CLBA1: variants seen among roughly 807,000 people sequenced by gnomAD.
CLBA1 encodes the protein uncharacterized protein CLBA1.
Under a neutral mutation model 28.8 loss-of-function variants are expected in CLBA1, and 30 were observed. The ratio of observed to expected loss-of-function variants is 1.04; its 90% confidence interval spans 0.78 to 1.41. The LOEUF is 1.41. CLBA1 is among the 40% of genes most tolerant of loss of function. The probability of loss-of-function intolerance (pLI) is 0.00; values close to 1 mark genes in which losing one functional copy is unlikely to be tolerated. For missense variants in CLBA1, 451 were observed against 412.3 expected (o/e 1.09, Z -0.81); for synonymous variants, 160 against 152.8 (o/e 1.05, Z -0.35).
At chr14:104,993,304 A>G in intron 4 of CLBA1, 1 of 985,408 alleles carries the variant, frequency 1.0e-6, no homozygotes, top group Non-Finnish European at 1.2e-6. Context: ...GACCCAGGAT[A>G]TGGGTGGGTC....
At chr14:104,999,056 C>A (rs9944006), downstream of CLBA1, among the ~76,000 whole-genome samples, 2,278 of 152,366 alleles carry the variant, frequency 0.015, 53 homozygotes, top group African/African-American at 0.051. Flanking sequence ...CTATCCAGGG[C>A]CCATGGGTGT....
At position 104,986,763 on chromosome 14, in the gene CLBA1, G is replaced by A. The variant is rs764729506; in HGVS notation, c.332G>A (p.Arg111Lys). The A allele has an allele frequency of 1.2e-6, 2 of 1,614,046 alleles. No homozygotes were observed. The highest frequency in any genetic ancestry group is 2.2e-5 in the South Asian group (2 of 91,084). ...GGACCCACAGAACCCCAGCCACCGA[G>A]AACCACTTCTGCCCCAAAAGAGTGC... The part of the protein sequence containing the change: ...LEGPTEPQPP[R>K]TTSAPKECSS... The change falls in exon 1 of 5, where the codon AGA becomes AAA. Residue 111 changes from arginine to lysine, a missense_variant. By Grantham distance (26) the Arg-to-Lys change is conservative. Coordinates refer to ENST00000547315, the MANE Select transcript of CLBA1 (RefSeq NM_174891.4).
chr14:104,987,606 C>CTTTTTTTTTTTTTTTTTTT lies in CLBA1; in HGVS notation c.423+765_423+783dup, dbSNP rs869117577. Among the ~76,000 whole-genome samples, 4 of 60,008 alleles carry CTTTTTTTTTTTTTTTTTTT rather than the reference C, an allele frequency of 6.7e-5. 2 individuals are homozygous for CTTTTTTTTTTTTTTTTTTT. The highest frequency in any genetic ancestry group is 1.2e-4 in the Non-Finnish European group (4 of 34,246). 39.4% of individuals were successfully genotyped at this position (60,008 alleles called of 152,430 possible). Reference sequence around the variant, plus strand: ...GGCTGGCCTGTTTTCTCTTCCTTTTCTTTTTTTTTTTTTTTTTTTTTTTTT... The same window carrying CTTTTTTTTTTTTTTTTTTT: ...GGCTGGCCTGTTTTCTCTTCCTTTTCTTTTTTTTTTTTTTTTTTTTTTTTTTTTTTTTTTTTTTTTTTTT... On this transcript the variant is annotated intron_variant, in intron 1 of 4. Coordinates refer to ENST00000547315, the MANE Select transcript of CLBA1 (RefSeq NM_174891.4).
At chr14:104,988,409 T>C (rs1021079973) in intron 1 of CLBA1, among the ~76,000 whole-genome samples, 2 of 150,844 alleles carry the variant, frequency 1.3e-5, no homozygotes, top group African/African-American at 4.9e-5. Context: ...CTCGGCTCAC[T>C]GCAACTTCTG....
At position 104,995,386 on chromosome 14, in the gene CLBA1, T is replaced by C. The variant is rs1900139088; in HGVS notation, c.*627T>C. On this transcript the variant is annotated 3_prime_UTR_variant, in exon 5 of 5. Transcript: ENST00000547315. ...TGGACAGGAGGTCGCACCACTGGCC[T>C]GCGAGAGCCTCTGGTGGGCCCGTGG... 3 of 985,424 alleles carry C rather than the reference T, an allele frequency of 3.0e-6. No homozygotes were observed. Among genetic ancestry groups the C allele is most frequent in the Non-Finnish European group, 3.6e-6 (3 of 829,944 alleles). 61.0% of individuals were successfully genotyped at this position (985,424 alleles called of 1,614,324 possible).
intron 2 of CLBA1, chr14:104,990,519 A>ACC (rs1899992143): frequency 6.6e-6 from 1 of 152,228 alleles, no homozygotes; most frequent in Admixed American, 6.5e-5. Context: ...GGCTGGTCTC[A>ACC]AACTCCTGAG....
chr14:104,994,158 C>T (rs1900110172), intron 4 of CLBA1: 9 of 985,452 alleles, frequency 9.1e-6, no homozygotes, highest in Non-Finnish European at 1.1e-5. Context: ...AGAGCAGCAG[C>T]TGTAAAGAAA....
At chr14:104,996,795 A>G (rs555940854), downstream of CLBA1, among the ~76,000 whole-genome samples, 33 of 152,236 alleles carry the variant, frequency 2.2e-4, no homozygotes, top group Non-Finnish European at 4.8e-4. Flanking sequence ...CACCGAAGCC[A>G]TGCCCTGATG....
At chr14:104,989,197 C>CA in intron 2 of CLBA1, 109 bp downstream of exon 2, 17 of 1,114,290 alleles carry the variant, frequency 1.5e-5, no homozygotes, top group Non-Finnish European at 1.8e-5. Context: ...AGCATCTCTC[C>CA]TGAGGTCCCT....
chr14:104,987,789 T>TA (rs1899909057), intron 1 of CLBA1, among the ~76,000 whole-genome samples: 1 of 144,882 alleles, frequency 6.9e-6, no homozygotes, highest in South Asian at 2.2e-4. Flanking sequence ...GGCTAACTTT[T>TA]TATATATATA....
intron 3 of CLBA1, among the ~76,000 whole-genome samples, chr14:104,992,471 G>C (rs1201886350): frequency 6.6e-6 from 1 of 152,262 alleles, no homozygotes; most frequent in Non-Finnish European, 1.5e-5. Context: ...TGAAGACAGG[G>C]GCATGAAAAT....
intron 4 of CLBA1, 43 bp downstream of exon 4, chr14:104,993,107 G>A (rs541460585): frequency 9.4e-6 from 15 of 1,590,686 alleles, no homozygotes; most frequent in African/African-American, 6.8e-5. Flanking sequence ...CCGCGCTGGC[G>A]GTGTCCACAC....
rs369594376 is a variant in CLBA1, at chr14:104,994,609, G to A, written c.828G>A (p.Pro276=). Residue 276 remains proline (P), a synonymous_variant, in exon 5 of 5, where the codon CCG becomes CCA. Coordinates refer to ENST00000547315, the MANE Select transcript of CLBA1 (RefSeq NM_174891.4). ...TCCTCTCATCTCAGCTCTCGGGGCCGCCTGGCAGCAAACAGGGGAGGCTGA... is the reference window on the plus strand; with the variant it reads ...TCCTCTCATCTCAGCTCTCGGGGCCACCTGGCAGCAAACAGGGGAGGCTGA... ...KALIQTKLSG[P]PGSKQGRLMT... is the part of the protein sequence containing the mutation. The A allele has an allele frequency of 7.3e-5, 118 of 1,608,292 alleles. No individual in the cohort carries two copies. Among genetic ancestry groups the A allele is most frequent in the South Asian group, 4.5e-4 (41 of 90,922 alleles).
rs183951655 is a variant in CLBA1, at chr14:104,993,535, C to T, written c.816+471C>T. The T allele has an allele frequency of 3.5e-5, 34 of 985,464 alleles. No individual in the cohort carries two copies. The African/African-American group carries it at 4.2e-4, about 12-fold the overall frequency. 61.0% of individuals were successfully genotyped at this position (985,464 alleles called of 1,614,324 possible). A position where few individuals can be genotyped will look rare whatever the true frequency, so the allele number is the denominator to read the frequency against. ...CCCACAGCTTTTCTCTCATGAGCCG[C>T]GGTTCTTGCCACAGAGTCACTTCAT... On this transcript the variant is annotated intron_variant, in intron 4 of 4. Coordinates refer to ENST00000547315, the MANE Select transcript of CLBA1 (RefSeq NM_174891.4).
chr14:104,992,858 G>T, intron 3 of CLBA1, 90 bp from the exon 4 acceptor site: 1 of 1,079,950 alleles, frequency 9.3e-7, no homozygotes. Flanking sequence ...TGCAGTTTTA[G>T]CATGAAATTA....
At position 104,986,812 on chromosome 14, in the gene CLBA1, T is replaced by G; in HGVS notation, c.381T>G (p.Gly127=). 1 of 1,612,994 alleles carries G rather than the reference T, an allele frequency of 6.2e-7. No homozygotes were observed. Among genetic ancestry groups the G allele is most frequent in the Non-Finnish European group, 8.5e-7 (1 of 1,179,940 alleles). The change falls in exon 1 of 5, where the codon GGT becomes GGG. Residue 127 remains glycine (G), a synonymous_variant. Coordinates refer to ENST00000547315, the MANE Select transcript of CLBA1 (RefSeq NM_174891.4). ...GCAGTTCTCACCAACCATGCCAGGG[T>G]GGACCTTGGGTGACAGGAACTTCTG... ...KECSSHQPCQ[G]GPWVTGTSAV...
downstream of CLBA1, among the ~76,000 whole-genome samples, chr14:104,996,802 G>A (rs1595446724): frequency 1.3e-5 from 2 of 152,346 alleles, no homozygotes; most frequent in South Asian, 4.1e-4. Flanking sequence ...GCCATGCCCT[G>A]ATGCCACCCT....
At chr14:104,993,108 G>C (rs555306106) in intron 4 of CLBA1, 44 bp downstream of exon 4, 13 of 1,590,876 alleles carry the variant, frequency 8.2e-6, no homozygotes, top group Non-Finnish European at 9.4e-6. Flanking sequence ...CGCGCTGGCG[G>C]TGTCCACACA....
chr14:104,994,010 T>G (rs1595445509), intron 4 of CLBA1: 3 of 985,084 alleles, frequency 3.0e-6, no homozygotes, highest in Non-Finnish European at 3.6e-6. Context: ...CCAGCTGACA[T>G]GGGGTGGGTT....
Sources: allele counts gnomAD v4.1 joint callset (sites outside exome capture counted in the v4.1 genomes callset), GRCh38; gene constraint gnomAD v4.1.1; transcripts MANE v1.5; gene names NCBI Gene and HGNC (gene_info 2026-07-23, HGNC 2026-07-21).